The following NAALADL2 variants were observed in gnomAD, a reference collection of about 807,000 sequenced individuals.
NAALADL2 encodes inactive N-acetylated-alpha-linked acidic dipeptidase-like protein 2.
A neutral mutation model predicts 87.2 loss-of-function variants in NAALADL2; 76 were observed. The ratio of observed to expected loss-of-function variants is 0.87; its 90% CI spans 0.72 to 1.05. The LOEUF is 1.05. Ranked by LOEUF, NAALADL2 falls within the 50% of genes least tolerant of loss-of-function variation. The probability of loss-of-function intolerance (pLI) is 0.00; values close to 1 mark genes in which losing one functional copy is unlikely to be tolerated. For synonymous variants in NAALADL2, 354 were observed against 331.0 expected, an observed-to-expected ratio of 1.07 and a Z score of -0.75; for missense variants, 1,089 against 945.8, an observed-to-expected ratio of 1.15 and a Z score of -1.99.
At chr3:174,677,209 GT>G (rs1354463437) in intron 2 of NAALADL2, among the ~76,000 whole-genome samples, 1 of 151,816 alleles carries the variant, frequency 6.6e-6, no homozygotes, top group Admixed American at 6.6e-5. Flanking sequence ...ACATATGTTT[GT>G]GACCTTAAAC....
intron 1 of NAALADL2, among the ~76,000 whole-genome samples, chr3:174,518,103 C>T (rs1195307366): frequency 6.6e-6 from 1 of 152,052 alleles, no homozygotes; most frequent in Non-Finnish European, 1.5e-5. Flanking sequence ...CACTAACCAG[C>T]TGTAGTCAAT....
At chr3:175,491,861 G>T (rs560535214) in intron 9 of NAALADL2, among the ~76,000 whole-genome samples, 23 of 152,026 alleles carry the variant, frequency 1.5e-4, no homozygotes, top group African/African-American at 5.3e-4. Context: ...GCCATAAAAT[G>T]GAAAAAAGAC....
intron 11 of NAALADL2, among the ~76,000 whole-genome samples, chr3:175,718,946 T>G (rs531266599): frequency 6.6e-6 from 1 of 152,168 alleles, no homozygotes; most frequent in Non-Finnish European, 1.5e-5. Context: ...AACCTAATTT[T>G]GTACCAAAAG....
At chr3:175,713,087 T>C (rs1740746021) in intron 11 of NAALADL2, among the ~76,000 whole-genome samples, 1 of 152,140 alleles carries the variant, frequency 6.6e-6, no homozygotes, top group Admixed American at 6.6e-5. Context: ...TTCATTTCTC[T>C]TTCAGCCTGA....
chr3:175,521,683 C>T (rs569339080), intron 9 of NAALADL2, among the ~76,000 whole-genome samples: 13 of 152,188 alleles, frequency 8.5e-5, no homozygotes, highest in Middle Eastern at 3.4e-3. Context: ...GAGATGGCCA[C>T]GTGAAGACAG....
chr3:175,335,910 C>T (rs539087065), intron 5 of NAALADL2, among the ~76,000 whole-genome samples: 5 of 152,176 alleles, frequency 3.3e-5, no homozygotes, highest in South Asian at 4.2e-4. Flanking sequence ...AGGCTTTGGT[C>T]GCTCTTTTAA....
chr3:174,916,474 A>G (rs770511729), intron 1 of NAALADL2, among the ~76,000 whole-genome samples: 1 of 152,166 alleles, frequency 6.6e-6, no homozygotes, highest in Non-Finnish European at 1.5e-5. Context: ...CTAAATGCTC[A>G]TTGACCAATG....
chr3:175,620,330 A>G (rs1726037889), intron 10 of NAALADL2, among the ~76,000 whole-genome samples: 1 of 152,200 alleles, frequency 6.6e-6, no homozygotes, highest in African/African-American at 2.4e-5. Flanking sequence ...CTTAGCACGC[A>G]GCTGAGCTGG....
At position 175,807,825 on chromosome 3, in the gene NAALADL2, CT is replaced by C. The variant is rs1754839952; in HGVS notation, c.*4624del. On this transcript the variant is annotated 3_prime_UTR_variant, in exon 14 of 14. Coordinates refer to ENST00000454872, the MANE Select transcript of NAALADL2 (RefSeq NM_207015.3). ...ATTAGAATTTGCTATTCGAAAAGACCTTAAAAACCCTCACAGAGTTCTAAAC... is the reference window on the plus strand; with the variant it reads ...ATTAGAATTTGCTATTCGAAAAGACCTAAAAACCCTCACAGAGTTCTAAAC... 1 of 151,866 alleles carries C rather than the reference CT, an allele frequency of 6.6e-6. No individual in the cohort carries two copies. The highest frequency in any genetic ancestry group is 1.5e-5 in the Non-Finnish European group (1 of 67,886). 9.4% of individuals were successfully genotyped at this position (151,866 alleles called of 1,614,324 possible). A position where few individuals can be genotyped will look rare whatever the true frequency, so the allele number is the denominator to read the frequency against.
intron 2 of NAALADL2, among the ~76,000 whole-genome samples, chr3:174,618,837 C>T (rs1720731717): frequency 6.6e-6 from 1 of 151,790 alleles, no homozygotes; most frequent in Non-Finnish European, 1.5e-5. Context: ...GAAAAGTATA[C>T]ATTATCTTAA....
At chr3:175,011,205 C>T (rs1749734210) in intron 1 of NAALADL2, among the ~76,000 whole-genome samples, 1 of 150,732 alleles carries the variant, frequency 6.6e-6, no homozygotes, top group Non-Finnish European at 1.5e-5. Context: ...CACAGAAGGG[C>T]TTCTAACATG....
At chr3:175,166,140 G>A (rs1377819866) in intron 2 of NAALADL2, among the ~76,000 whole-genome samples, 1 of 150,478 alleles carries the variant, frequency 6.6e-6, no homozygotes, top group East Asian at 1.9e-4. Flanking sequence ...ATGCTGATAT[G>A]TTTTATCATC....
At chr3:175,095,248 A>G (rs1324011540) in intron 1 of NAALADL2, among the ~76,000 whole-genome samples, 2 of 151,952 alleles carry the variant, frequency 1.3e-5, no homozygotes, top group African/African-American at 4.8e-5. Flanking sequence ...ACTTTTTTGT[A>G]TAATTATTTC....
intron 3 of NAALADL2, among the ~76,000 whole-genome samples, chr3:174,771,864 C>G (rs1714607796): frequency 6.6e-6 from 1 of 152,116 alleles, no homozygotes; most frequent in African/African-American, 2.4e-5. Context: ...CAATGACTAA[C>G]TGGCTTTGAA....
At chr3:174,898,670 TAAA>T (rs911928371) in intron 1 of NAALADL2, among the ~76,000 whole-genome samples, 4 of 151,744 alleles carry the variant, frequency 2.6e-5, no homozygotes, top group African/African-American at 4.8e-5. Flanking sequence ...TAAATAAAAA[TAAA>T]AAATTATATA....
At chr3:175,123,319 T>C (rs1294588237) in intron 2 of NAALADL2, among the ~76,000 whole-genome samples, 4 of 151,958 alleles carry the variant, frequency 2.6e-5, no homozygotes, top group African/African-American at 4.8e-5. Flanking sequence ...GTTCAGGACA[T>C]GTACGGATGG....
At chr3:175,258,165 A>G (rs1190080578) in intron 4 of NAALADL2, among the ~76,000 whole-genome samples, 2 of 151,752 alleles carry the variant, frequency 1.3e-5, no homozygotes, top group East Asian at 1.9e-4. Flanking sequence ...AAAATTAGCC[A>G]GGCGTGGTGG....
intron 5 of NAALADL2, among the ~76,000 whole-genome samples, chr3:175,354,666 T>A (rs1764145380): frequency 6.6e-6 from 1 of 152,040 alleles, no homozygotes; most frequent in African/African-American, 2.4e-5. Context: ...TTTTTAGAGA[T>A]GGAATCTTGC....
At chr3:174,570,457 T>A (rs926214493) in intron 2 of NAALADL2, among the ~76,000 whole-genome samples, 2 of 152,208 alleles carry the variant, frequency 1.3e-5, no homozygotes, top group Non-Finnish European at 2.9e-5. Context: ...GATTGTTGTA[T>A]TTTAAAATCA....
Sources: gnomAD v4.1 joint callset for allele counts (sites outside exome capture counted in the v4.1 genomes callset) on GRCh38, gnomAD v4.1.1 for gene constraint, MANE v1.5 for transcripts, NCBI Gene and HGNC (gene_info 2026-07-23, HGNC 2026-07-21) for gene names.